CNTNAP2: variants seen among roughly 807,000 people sequenced by gnomAD.
CNTNAP2 encodes the protein contactin associated protein 2.
In CNTNAP2, 98 loss-of-function variants were observed where a neutral mutation model predicts 155.2. That is an observed-to-expected ratio of 0.63 (90% CI 0.54 to 0.75). The LOEUF (loss-of-function observed/expected upper bound fraction) is 0.75. CNTNAP2 is among the 30% of genes least tolerant of loss of function. The pLI, the probability that CNTNAP2 is intolerant of heterozygous loss-of-function variation, is 0.00. For missense variants in CNTNAP2, 1,727 were observed against 1,688.1 expected (o/e 1.02, Z -0.40); for synonymous variants, 651 against 631.2 (o/e 1.03, Z -0.47).
intron 1 of CNTNAP2, among the ~76,000 whole-genome samples, chr7:146,648,941 G>A (rs1043834255): frequency 2.3e-4 from 35 of 151,916 alleles, no homozygotes; most frequent in South Asian, 6.2e-4. Context: ...AATTGTTGGC[G>A]GACAGATGAT....
chr7:147,200,834 G>T (rs538651651), intron 8 of CNTNAP2, among the ~76,000 whole-genome samples: 19 of 152,262 alleles, frequency 1.2e-4, no homozygotes, highest in African/African-American at 4.3e-4. Flanking sequence ...TCTTACATTT[G>T]TATGGAGAAG....
At chr7:148,236,320 G>A (rs1881725) in intron 20 of CNTNAP2, among the ~76,000 whole-genome samples, 7,068 of 152,274 alleles carry the variant, frequency 0.046, 206 homozygotes, top group South Asian at 0.079. Flanking sequence ...AATGTTACCC[G>A]TGAGGCTAAG....
At chr7:147,711,737 T>C (rs151213299) in intron 13 of CNTNAP2, among the ~76,000 whole-genome samples, 2,511 of 152,308 alleles carry the variant, frequency 0.016, 224 homozygotes, top group Admixed American at 0.15. Flanking sequence ...TAACACAGGA[T>C]GTCTATTATT....
At chr7:147,315,977 A>G (rs368389528) in intron 9 of CNTNAP2, among the ~76,000 whole-genome samples, 243 of 152,128 alleles carry the variant, frequency 1.6e-3, no homozygotes, top group South Asian at 3.5e-3. Flanking sequence ...GTGTGTATAC[A>G]TATATATGAG....
intron 12 of CNTNAP2, among the ~76,000 whole-genome samples, chr7:147,637,949 T>C (rs1357456164): frequency 6.6e-6 from 1 of 152,178 alleles, no homozygotes; most frequent in Non-Finnish European, 1.5e-5. Flanking sequence ...AGACAATATT[T>C]GGTTTCATTA....
intron 13 of CNTNAP2, among the ~76,000 whole-genome samples, chr7:147,858,861 C>T (rs1447317090): frequency 6.6e-6 from 1 of 152,122 alleles, no homozygotes; most frequent in Non-Finnish European, 1.5e-5. Context: ...CCTGCTGGCA[C>T]CTGCATTTTG....
chr7:146,675,455 T>G (rs1219934897), intron 1 of CNTNAP2, among the ~76,000 whole-genome samples: 3 of 152,168 alleles, frequency 2.0e-5, no homozygotes, highest in Non-Finnish European at 4.4e-5. Flanking sequence ...TCTATGACCT[T>G]AGGTTTCATA....
chr7:146,577,495 G>A (rs913680568), intron 1 of CNTNAP2, among the ~76,000 whole-genome samples: 1 of 151,998 alleles, frequency 6.6e-6, no homozygotes, highest in African/African-American at 2.4e-5. Flanking sequence ...ATTTAAACAA[G>A]CTATCACAGT....
At chr7:146,829,924 C>G (rs1256169046) in intron 2 of CNTNAP2, among the ~76,000 whole-genome samples, 1 of 151,870 alleles carries the variant, frequency 6.6e-6, no homozygotes, top group African/African-American at 2.4e-5. Context: ...TATAATTTTT[C>G]TTTTGTGGAC....
At chr7:146,783,727 G>A (rs1049992038) in intron 2 of CNTNAP2, among the ~76,000 whole-genome samples, 1 of 152,152 alleles carries the variant, frequency 6.6e-6, no homozygotes, top group Non-Finnish European at 1.5e-5. Flanking sequence ...AGAGCAATGC[G>A]TCCCAAAGTG....
intron 1 of CNTNAP2, among the ~76,000 whole-genome samples, chr7:146,416,396 C>T (rs189518489): frequency 5.9e-4 from 90 of 152,096 alleles, no homozygotes; most frequent in African/African-American, 2.1e-3. Context: ...TTTGCAACCA[C>T]ATTACACACA....
At chr7:147,757,772 G>T (rs1797234421) in intron 13 of CNTNAP2, among the ~76,000 whole-genome samples, 1 of 152,048 alleles carries the variant, frequency 6.6e-6, no homozygotes, top group South Asian at 2.1e-4. Context: ...CCAAGAGCTG[G>T]GTTCAGTCAC....
intron 9 of CNTNAP2, among the ~76,000 whole-genome samples, chr7:147,311,557 A>C (rs1795126610): frequency 6.6e-6 from 1 of 152,102 alleles, no homozygotes. Flanking sequence ...AGAGCAGCCA[A>C]CTCTGACCTC....
At chr7:146,341,119 T>G (rs1247194307) in intron 1 of CNTNAP2, among the ~76,000 whole-genome samples, 2 of 152,170 alleles carry the variant, frequency 1.3e-5, no homozygotes, top group African/African-American at 2.4e-5. Flanking sequence ...GTTTAAACAT[T>G]TTGATACATG....
At chr7:146,513,695 A>T (rs1484859926) in intron 1 of CNTNAP2, among the ~76,000 whole-genome samples, 2 of 151,956 alleles carry the variant, frequency 1.3e-5, no homozygotes, top group Non-Finnish European at 2.9e-5. Flanking sequence ...TTTAGTCTTC[A>T]TACTATAGAT....
chr7:147,202,914 C>T (rs1425875950), intron 8 of CNTNAP2, among the ~76,000 whole-genome samples: 2 of 150,938 alleles, frequency 1.3e-5, no homozygotes, highest in Non-Finnish European at 2.9e-5. Flanking sequence ...GTTATGGACA[C>T]ATTTCCAGAC....
chr7:147,983,987 C>A (rs1032504615), intron 15 of CNTNAP2, among the ~76,000 whole-genome samples: 3 of 151,972 alleles, frequency 2.0e-5, no homozygotes, highest in African/African-American at 7.2e-5. Context: ...TTTTCCCCCA[C>A]AAAAAAACTG....
chr7:147,975,301 G>A (rs1801410462), intron 14 of CNTNAP2, among the ~76,000 whole-genome samples: 2 of 152,072 alleles, frequency 1.3e-5, no homozygotes, highest in South Asian at 2.1e-4. Context: ...TTCTGATGGA[G>A]TGTACTGATT....
At position 146,382,497 on chromosome 7, in the gene CNTNAP2, A is replaced by G. The variant is rs760511892; in HGVS notation, c.97+265524A>G. On this transcript the variant is annotated intron_variant, in intron 1 of 23. Transcript: ENST00000361727. ...CTGAGGTTTTCTGAAAACTATGTCA[A>G]TGTTCATTAGGCTACACCAAACTTA... 3.9e-4 allele frequency among the ~76,000 whole-genome samples: 59 copies of G among 152,198 alleles called. 1 individual carries two copies. Among genetic ancestry groups the G allele is most frequent in the Middle Eastern group, 3.2e-3 (1 of 316 alleles).
Sources: allele counts gnomAD v4.1 joint callset (sites outside exome capture counted in the v4.1 genomes callset), GRCh38; gene constraint gnomAD v4.1.1; transcripts MANE v1.5; gene names NCBI Gene and HGNC (gene_info 2026-07-23, HGNC 2026-07-21).